The following SLCO1B3 variants were observed in gnomAD, a reference collection of about 807,000 sequenced individuals.
SLCO1B3 encodes solute carrier organic anion transporter family member 1B3.
In SLCO1B3, 72 loss-of-function variants were observed where a neutral mutation model predicts 71.8. The observed-to-expected ratio is 1.00, with a 90% CI of 0.83 to 1.22. The LOEUF (loss-of-function observed/expected upper bound fraction) is 1.22, where lower values mean the gene tolerates loss of function less well. SLCO1B3 is among the 50% of genes most tolerant of loss of function. The probability of loss-of-function intolerance (pLI) is 0.00; values close to 1 mark genes in which losing one functional copy is unlikely to be tolerated. For synonymous variants in SLCO1B3, 298 were observed against 278.4 expected, an observed-to-expected ratio of 1.07 and a Z score of -0.70; for missense variants, 911 against 819.7, an observed-to-expected ratio of 1.11 and a Z score of -1.36.
At chr12:20,877,676 A>G (rs1255939887) in intron 9 of SLCO1B3, 96 bp from the exon 10 acceptor site, 2 of 488,596 alleles carry the variant, frequency 4.1e-6, no homozygotes, top group Admixed American at 4.7e-5. Context: ...CTCACAAATC[A>G]TTTGTAACTT....
chr12:20,866,022 C>A (rs117239853), intron 8 of SLCO1B3, among the ~76,000 whole-genome samples: 2,060 of 152,130 alleles, frequency 0.014, 31 homozygotes, highest in Middle Eastern at 0.051. Context: ...TCATCACTCT[C>A]CAGTAAGTGA....
chr12:20,815,674 G>T lies in SLCO1B3; in HGVS notation c.-65G>T. 9.7e-7 allele frequency: 1 copy of T among 1,033,036 alleles called. No individual in the cohort carries two copies. The allele number at this position is 1,033,036 out of a possible 1,614,324, so 64.0% of individuals were successfully genotyped here. On this transcript the variant is annotated splice_region_variant and 5_prime_UTR_variant, in exon 3 of 16. An upstream start codon of the reference 5' UTR is lost. Transcript: ENST00000381545. ...AATTATACTTTTTCTTTTTTAACAG[G>T]TGATCATTTCAAACCAAGCATCAGC...
At chr12:20,872,972 T>C (rs1321294070) in intron 8 of SLCO1B3, among the ~76,000 whole-genome samples, 1 of 152,176 alleles carries the variant, frequency 6.6e-6, no homozygotes, top group Non-Finnish European at 1.5e-5. Context: ...CCCAGGCATC[T>C]AGAGTATGCA....
chr12:20,856,037 A>T (rs959799498), intron 4 of SLCO1B3, among the ~76,000 whole-genome samples: 12 of 152,158 alleles, frequency 7.9e-5, no homozygotes, highest in Non-Finnish European at 1.5e-4. Flanking sequence ...ATAAATTCAG[A>T]ATATTTGTGA....
chr12:20,871,370 G>C (rs992062006), intron 8 of SLCO1B3, among the ~76,000 whole-genome samples: 1 of 152,106 alleles, frequency 6.6e-6, no homozygotes, highest in Non-Finnish European at 1.5e-5. Flanking sequence ...TTCTCTGTTT[G>C]AAAGATTACA....
intron 3 of SLCO1B3, among the ~76,000 whole-genome samples, chr12:20,827,769 C>T (rs541572678): frequency 1.3e-5 from 2 of 152,124 alleles, no homozygotes; most frequent in East Asian, 3.9e-4. Context: ...CAGGGTTTAC[C>T]ATATTGGCCA....
intron 3 of SLCO1B3, among the ~76,000 whole-genome samples, chr12:20,850,130 A>G (rs1244788994): frequency 6.6e-6 from 1 of 151,316 alleles, no homozygotes; most frequent in African/African-American, 2.4e-5. Context: ...TATTGAAAAA[A>G]TAACAAAGTT....
chr12:20,874,923 T>C (rs570258708), intron 8 of SLCO1B3, among the ~76,000 whole-genome samples: 7 of 152,250 alleles, frequency 4.6e-5, no homozygotes, highest in Non-Finnish European at 8.8e-5. Flanking sequence ...TATTAAATGG[T>C]CTGAGGAGTT....
chr12:20,879,308 T>G lies in SLCO1B3; in HGVS notation c.1136-128T>G, dbSNP rs4149142. ...ACTGCAAGCTCCGCCTCCCAGGTTCTCCACCCTTCTCTTAAAGAAATAAGA... is the reference window on the plus strand; with the variant it reads ...ACTGCAAGCTCCGCCTCCCAGGTTCGCCACCCTTCTCTTAAAGAAATAAGA... On this transcript the variant is annotated intron_variant, in intron 10 of 15. Transcript: ENST00000381545. 474,223 of 588,900 alleles carry G rather than the reference T, an allele frequency of 0.81. 195,455 individuals carry two copies. The highest frequency in any genetic ancestry group is 0.9 in the South Asian group (33,031 of 36,790). The allele number at this position is 588,900 out of a possible 1,614,324, so 36.5% of individuals were successfully genotyped here.
At chr12:20,811,127 T>C (rs1243903346) in intron 1 of SLCO1B3, among the ~76,000 whole-genome samples, 1 of 152,192 alleles carries the variant, frequency 6.6e-6, no homozygotes, top group Non-Finnish European at 1.5e-5. Flanking sequence ...CTGTATTGAA[T>C]TACTATACCA....
intron 3 of SLCO1B3, among the ~76,000 whole-genome samples, chr12:20,852,557 T>G (rs1173174512): frequency 1.3e-5 from 2 of 152,224 alleles, no homozygotes; most frequent in African/African-American, 4.8e-5. Flanking sequence ...GTTTTAACAA[T>G]ACTAAATCTT....
chr12:20,828,664 C>T (rs924559731), intron 3 of SLCO1B3, among the ~76,000 whole-genome samples: 14 of 152,036 alleles, frequency 9.2e-5, no homozygotes, highest in African/African-American at 3.4e-4. Flanking sequence ...CACACACACA[C>T]ACTCACACAC....
chr12:20,882,705 A>G lies in SLCO1B3; in HGVS notation c.1498-713A>G, dbSNP rs550400794. The stretch of plus-strand genomic sequence containing the variant: ...AGGTGTGAGTGACCACGCCTGGCCA[A>G]TTCTTTTACAAGTTCTCCTTCAGTA... On this transcript the variant is annotated intron_variant, in intron 12 of 15. Transcript: ENST00000381545. 6.3e-4 allele frequency among the ~76,000 whole-genome samples: 96 copies of G among 152,254 alleles called. 1 individual carries two copies. The highest frequency in any genetic ancestry group is 1.1e-3 in the Non-Finnish European group (72 of 68,008).
chr12:20,883,452 G>T lies in SLCO1B3; in HGVS notation c.1532G>T (p.Gly511Val), dbSNP rs749878853. 1 of 1,573,932 alleles carries T rather than the reference G, an allele frequency of 6.4e-7. No homozygotes were observed. Among genetic ancestry groups the T allele is most frequent in the Non-Finnish European group, 8.6e-7 (1 of 1,164,278 alleles). Residue 511 changes from glycine (G) to valine (V), a missense_variant, in exon 13 of 16, where the codon GGT (glycine) becomes GTT (valine). Physicochemically the swap from Gly to Val is moderately radical, Grantham distance 109 (BLOSUM62 -3). Coordinates refer to ENST00000381545, the MANE Select transcript of SLCO1B3 (RefSeq NM_019844.4). ...AACTGTAGTTGTGTGGAAGTAACTG[G>T]TCTCCAGAACAGAAATTACTCAGCA... ...FYNCSCVEVTGLQNRNYSAHL... is the reference protein window; with the variant it reads ...FYNCSCVEVTVLQNRNYSAHL...
intron 15 of SLCO1B3, among the ~76,000 whole-genome samples, chr12:20,912,086 AATTTT>A (rs887700527): frequency 5.3e-5 from 8 of 151,974 alleles, no homozygotes; most frequent in African/African-American, 1.9e-4. Flanking sequence ...TTGATGTTAT[AATTTT>A]ATTTTCACTT....
Position 20,854,950 on chromosome 12 carries a change from G to C in SLCO1B3, c.85-78G>C, listed in dbSNP as rs997205967. 7.6e-6 allele frequency: 10 copies of C among 1,321,250 alleles called. No individual in the cohort carries two copies. In the African/African-American group the frequency reaches 1.2e-4, roughly 16 times the overall value. 81.8% of individuals were successfully genotyped at this position (1,321,250 alleles called of 1,614,324 possible). On this transcript the variant is annotated intron_variant, in intron 3 of 15. Transcript: ENST00000381545. ...TGTTTTCGAGTAAAGAAGAAAAACT[G>C]TTTTAGTTCCATGTACCTATAAACA...
chr12:20,827,390 G>A (rs1729492004), intron 3 of SLCO1B3, among the ~76,000 whole-genome samples: 5 of 152,070 alleles, frequency 3.3e-5, no homozygotes, highest in African/African-American at 1.2e-4. Flanking sequence ...TTCTGATAAA[G>A]TATTTGATTT....
At chr12:20,890,069 C>A (rs1865873554) in intron 13 of SLCO1B3, among the ~76,000 whole-genome samples, 1 of 151,996 alleles carries the variant, frequency 6.6e-6, no homozygotes, top group South Asian at 2.1e-4. Context: ...AGACCTGTGC[C>A]ACCACACCCA....
intron 3 of SLCO1B3, among the ~76,000 whole-genome samples, chr12:20,836,253 T>C (rs1864677950): frequency 6.6e-6 from 1 of 152,212 alleles, no homozygotes. Flanking sequence ...ATCACTATTA[T>C]AAATATCATC....
Sources: allele counts gnomAD v4.1 joint callset (sites outside exome capture counted in the v4.1 genomes callset), GRCh38; gene constraint gnomAD v4.1.1; transcripts MANE v1.5; gene names NCBI Gene and HGNC (gene_info 2026-07-23, HGNC 2026-07-21).